The following SGTB variants were observed in gnomAD, a reference collection of about 807,000 sequenced individuals.
The protein encoded by SGTB is small glutamine rich tetratricopeptide repeat co-chaperone beta, also known as small glutamine-rich tetratricopeptide repeat-containing protein beta.
SGTB carries 19 observed loss-of-function variants against 43.9 expected under a neutral mutation model. The ratio of observed to expected loss-of-function variants is 0.43; its 90% CI spans 0.30 to 0.63. The LOEUF is 0.63. Among genes scored for constraint, SGTB ranks in the 30% least tolerant of loss-of-function variants. The pLI is 0.12. For synonymous variants in SGTB, 116 were observed against 117.3 expected (o/e 0.99, Z 0.07); for missense variants, 304 against 358.9 (o/e 0.85, Z 1.24).
In SGTB at chr5:65,682,290, G is replaced by C. The variant is rs1757412215; in HGVS notation, c.480-1496C>G. Among the ~76,000 whole-genome samples, 3 of 152,212 alleles carry C rather than the reference G, an allele frequency of 2.0e-5. No homozygotes were observed. The South Asian group carries it at 6.2e-4, about 32-fold the overall frequency. On this transcript the variant is annotated intron_variant, in intron 6 of 10. Transcript: ENST00000381007. The stretch of plus-strand genomic sequence containing the variant: ...CAAAGCATGGAGAGATGATGTCAGA[G>C]AACAGTTGGGTGCCAGATGATAGAG...
intron 6 of SGTB, among the ~76,000 whole-genome samples, chr5:65,681,576 T>A (rs532450322): frequency 2.0e-5 from 3 of 152,190 alleles, no homozygotes; most frequent in Non-Finnish European, 4.4e-5. Context: ...CAACCATGTA[T>A]GATACTTTAT....
At chr5:65,688,598 C>G (rs1757543865) in intron 5 of SGTB, among the ~76,000 whole-genome samples, 1 of 152,132 alleles carries the variant, frequency 6.6e-6, no homozygotes, top group African/African-American at 2.4e-5. Context: ...CTTCAGGAAA[C>G]TGAAAGGCAA....
In SGTB at chr5:65,673,640, G is replaced by A. The variant is rs143312275; in HGVS notation, c.682-1359C>T. ...CCAGTCCCTGTTACAAAAAGGTTGGGGACCGCTGTCCTATAGGGCTATTTT... is the reference window on the plus strand; with the variant it reads ...CCAGTCCCTGTTACAAAAAGGTTGGAGACCGCTGTCCTATAGGGCTATTTT... On this transcript the variant is annotated intron_variant, in intron 8 of 10. Transcript: ENST00000381007. Among the ~76,000 whole-genome samples the A allele has an allele frequency of 3.5e-3, 523 of 148,588 alleles. 5 individuals are homozygous for A. Among genetic ancestry groups the A allele is most frequent in the African/African-American group, 0.012 (480 of 39,644 alleles).
rs562408550 is a variant in SGTB at position 65,721,201 on chromosome 5, T to C, written c.-22-372A>G. On this transcript the variant is annotated intron_variant, in intron 1 of 10. Coordinates refer to ENST00000381007, the MANE Select transcript of SGTB (RefSeq NM_019072.3). ...TTTCATACTGCTGACTAAAAGCTGA[T>C]GTATACCAAGCATCTTCCTCTTTTT... Among the ~76,000 whole-genome samples, 3 of 152,356 alleles carry C rather than the reference T, an allele frequency of 2.0e-5. No individual in the cohort carries two copies. The South Asian group carries it at 6.2e-4, about 32-fold the overall frequency.
chr5:65,696,436 G>A (rs188958473), intron 5 of SGTB, among the ~76,000 whole-genome samples: 125 of 152,338 alleles, frequency 8.2e-4, no homozygotes, highest in Non-Finnish European at 1.5e-3. Context: ...ATATCATGGA[G>A]AACTTGGTGG....
rs189559421 is a variant in SGTB at position 65,688,885 on chromosome 5, C to T, written c.375-3413G>A. ...AGTGCAATGGCGTGATCTTGGCTCACTGCAAGCTCCGCCTCCTGGGTTCAA... is the reference window on the plus strand; with the variant it reads ...AGTGCAATGGCGTGATCTTGGCTCATTGCAAGCTCCGCCTCCTGGGTTCAA... On this transcript the variant is annotated intron_variant, in intron 5 of 10. Transcript: ENST00000381007. 8.3e-4 allele frequency among the ~76,000 whole-genome samples: 127 copies of T among 152,350 alleles called. 2 individuals carry two copies. Among genetic ancestry groups the T allele is most frequent in the African/African-American group, 3.1e-3 (127 of 41,582 alleles).
chr5:65,694,371 G>A (rs1179894660), intron 5 of SGTB, among the ~76,000 whole-genome samples: 1 of 152,110 alleles, frequency 6.6e-6, no homozygotes, highest in African/African-American at 2.4e-5. Context: ...GGCAGAGGGT[G>A]CAGTGAGCCA....
rs200883795 is a variant in SGTB, at chr5:65,686,102, TAGCTC to T, written c.375-635_375-631del. Among the ~76,000 whole-genome samples, 1,321 of 152,022 alleles carry T rather than the reference TAGCTC, an allele frequency of 8.7e-3. 24 individuals are homozygous for T. Among genetic ancestry groups the T allele is most frequent in the African/African-American group, 0.03 (1,251 of 41,364 alleles). ...AATAACGTTTCCAAATAGGAAGAAA[TAGCTC>T]AGAGGAGAAACAGGAAAGAAGAGAA... On this transcript the variant is annotated intron_variant, in intron 5 of 10. Transcript: ENST00000381007.
intron 5 of SGTB, among the ~76,000 whole-genome samples, chr5:65,700,728 G>C (rs1346756089): frequency 6.8e-6 from 1 of 147,916 alleles, no homozygotes; most frequent in African/African-American, 2.5e-5. Context: ...GAAGAATCAT[G>C]GCTGGGCGTG....
chr5:65,711,391 G>A (rs1223070479), intron 3 of SGTB, among the ~76,000 whole-genome samples: 2 of 152,072 alleles, frequency 1.3e-5, no homozygotes, highest in Admixed American at 6.5e-5. Flanking sequence ...AATATCTTCA[G>A]TATTAAGTCA....
intron 5 of SGTB, among the ~76,000 whole-genome samples, chr5:65,694,689 G>C (rs576889489): frequency 1.3e-5 from 2 of 152,098 alleles, no homozygotes; most frequent in African/African-American, 4.8e-5. Context: ...TGTTGGCCAG[G>C]CTGGTCTCAA....
At chr5:65,685,548 C>T in intron 5 of SGTB, 76 bp from the exon 6 acceptor site, 1 of 1,162,408 alleles carries the variant, frequency 8.6e-7, no homozygotes, top group South Asian at 1.4e-5. Flanking sequence ...ACTAATAATA[C>T]TACCTTTTTC....
At chr5:65,696,489 A>T (rs1449750726) in intron 5 of SGTB, among the ~76,000 whole-genome samples, 4 of 152,200 alleles carry the variant, frequency 2.6e-5, no homozygotes, top group Non-Finnish European at 5.9e-5. Context: ...TTATGTACAC[A>T]AGTGTTAATG....
intron 8 of SGTB, among the ~76,000 whole-genome samples, chr5:65,673,406 G>A (rs1757196921): frequency 6.6e-6 from 1 of 152,192 alleles, no homozygotes; most frequent in Admixed American, 6.5e-5. Flanking sequence ...CAGGTAAGCG[G>A]TGGGCGAGCA....
chr5:65,693,308 AGAAG>A lies in SGTB; in HGVS notation c.375-7840_375-7837del, dbSNP rs376965647. 1.1e-3 allele frequency among the ~76,000 whole-genome samples: 170 copies of A among 149,766 alleles called. 2 individuals carry two copies. The East Asian group carries it at 0.022, about 19-fold the overall frequency. On this transcript the variant is annotated intron_variant, in intron 5 of 10. Coordinates refer to ENST00000381007, the MANE Select transcript of SGTB (RefSeq NM_019072.3). ...GAGCAAGGAAGGAAGGGATGAATCA[AGAAG>A]GAAAGAGAGAAAGAAAGAGGAGAAG...
intron 8 of SGTB, 56 bp from the exon 9 acceptor site, chr5:65,672,337 G>A (rs1374737554): frequency 6.5e-7 from 1 of 1,543,494 alleles, no homozygotes; most frequent in Non-Finnish European, 8.7e-7. Flanking sequence ...AGGGATCTTA[G>A]CAAAGATTTT....
At chr5:65,697,989 A>C (rs1228331298) in intron 5 of SGTB, among the ~76,000 whole-genome samples, 1 of 152,224 alleles carries the variant, frequency 6.6e-6, no homozygotes, top group East Asian at 1.9e-4. Context: ...CTTTCATATG[A>C]AACTCTAGAG....
intron 4 of SGTB, among the ~76,000 whole-genome samples, chr5:65,705,267 A>ACCC (rs397716523): frequency 2.4e-4 from 36 of 151,370 alleles, no homozygotes; most frequent in African/African-American, 6.1e-4. Context: ...ATATAGTGGG[A>ACCC]CCCCCCCTCA....
At position 65,685,487 on chromosome 5, in the gene SGTB, A is replaced by C. The variant is rs748912939; in HGVS notation, c.375-15T>G. 6.2e-7 allele frequency: 1 copy of C among 1,611,448 alleles called. No individual in the cohort carries two copies. The stretch of plus-strand genomic sequence containing the variant: ...GAGCAGCAGCCCTAAGAGAAAGAAA[A>C]CAGAATTTTATTAAAGGCAGTTTTC... On this transcript the variant is annotated splice_polypyrimidine_tract_variant and intron_variant, in intron 5 of 10. Coordinates refer to ENST00000381007, the MANE Select transcript of SGTB (RefSeq NM_019072.3).
Sources: gnomAD v4.1 joint callset for allele counts (sites outside exome capture counted in the v4.1 genomes callset) on GRCh38, gnomAD v4.1.1 for gene constraint, MANE v1.5 for transcripts, NCBI Gene and HGNC (gene_info 2026-07-23, HGNC 2026-07-21) for gene names.